POLD2: variants seen among roughly 807,000 people sequenced by gnomAD.
The protein encoded by POLD2 is DNA polymerase delta 2, accessory subunit.
A neutral mutation model predicts 48.8 loss-of-function variants in POLD2; 31 were observed. The observed-to-expected ratio is 0.64, with a 90% confidence interval of 0.48 to 0.86. The LOEUF is 0.86. Ranked by LOEUF, POLD2 falls within the 40% of genes least tolerant of loss-of-function variation. POLD2 has a pLI of 0.00. For missense variants in POLD2, 455 were observed against 610.1 expected (o/e 0.75, Z 2.68); for synonymous variants, 233 against 256.3 (o/e 0.91, Z 0.87).
rs113828704 is a variant in POLD2, at chr7:44,123,545, G to A, written c.-91C>T. On this transcript the variant is annotated 5_prime_UTR_variant, in exon 1 of 11. Coordinates refer to ENST00000610533, the MANE Select transcript of POLD2 (RefSeq NM_006230.4). ...CGCCGCATCCCGCCAATCCCCGCGC[G>A]CCTGCCCCGCCCATCGCCGCAACTC... 7.0e-4 allele frequency: 1,046 copies of A among 1,485,502 alleles called. 4 individuals are homozygous for A. The African/African-American group carries it at 0.013, about 18-fold the overall frequency. 92.0% of individuals were successfully genotyped at this position (1,485,502 alleles called of 1,614,324 possible). A position where few individuals can be genotyped will look rare whatever the true frequency, so the allele number is the denominator to read the frequency against.
At chr7:44,118,531 T>G (rs1162878409) in intron 2 of POLD2, among the ~76,000 whole-genome samples, 1 of 152,210 alleles carries the variant, frequency 6.6e-6, no homozygotes, top group Non-Finnish European at 1.5e-5. Context: ...TGTTTTTGTT[T>G]TGAGGCGGAG....
Position 44,121,331 on chromosome 7 carries a change from A to G in POLD2, c.220+503T>C, listed in dbSNP as rs988775646. On this transcript the variant is annotated intron_variant, in intron 2 of 10. Transcript: ENST00000610533. This position sits in a 1 kb window ranked among gnomAD's most constrained non-coding sequence, Gnocchi z 4.5. ...AGGGTTGTGTTGGGCAGGCCACTTT[A>G]TTAGGAAAGACAGAGGGCCCAAGGG... Among the ~76,000 whole-genome samples, 5 of 152,138 alleles carry G rather than the reference A, an allele frequency of 3.3e-5. No homozygotes were observed. Among genetic ancestry groups the G allele is most frequent in the African/African-American group, 1.2e-4 (5 of 41,424 alleles).
In POLD2 at chr7:44,116,537, AGGCCCAGGCG is replaced by A; in HGVS notation, c.781-37_781-28del. On this transcript the variant is annotated intron_variant, in intron 6 of 10. Coordinates refer to ENST00000610533, the MANE Select transcript of POLD2 (RefSeq NM_006230.4). The surrounding 1 kb of genome is among the most constrained non-coding windows in gnomAD (Gnocchi z 6.1). ...TGGAATAGAAGCCCAGAAGGCCATC[AGGCCCAGGCG>A]AGTCCCAGGCTCAGAGGAGAGTAGA... is the stretch of plus-strand genomic sequence containing the variant. 1 of 1,537,708 alleles carries A rather than the reference AGGCCCAGGCG, an allele frequency of 6.5e-7. No homozygotes were observed. Among genetic ancestry groups the A allele is most frequent in the Non-Finnish European group, 8.8e-7 (1 of 1,132,338 alleles).
At chr7:44,118,599 G>A (rs1017037077) in intron 2 of POLD2, among the ~76,000 whole-genome samples, 8 of 152,132 alleles carry the variant, frequency 5.3e-5, no homozygotes, top group Non-Finnish European at 1.5e-5. Flanking sequence ...TGCAAGCTCC[G>A]CCTCCCGGGT....
chr7:44,122,481 G>A (rs2096249601), intron 1 of POLD2: 7 of 1,020,124 alleles, frequency 6.9e-6, no homozygotes, highest in Non-Finnish European at 8.2e-6. Flanking sequence ...CCAGACAAGA[G>A]GTCTGCCTTA....
At position 44,117,602 on chromosome 7, in the gene POLD2, C is replaced by G; in HGVS notation, c.466+17G>C. ...TCTTCACCTGCATCACCCACATCCT[C>G]TCATTGGGCTCCCTACCCGTAACCA... On this transcript the variant is annotated intron_variant, in intron 4 of 10. Coordinates refer to ENST00000610533, the MANE Select transcript of POLD2 (RefSeq NM_006230.4). The G allele has an allele frequency of 1.3e-6, 2 of 1,595,102 alleles. No homozygotes were observed. The highest frequency in any genetic ancestry group is 1.7e-6 in the Non-Finnish European group (2 of 1,170,100).
rs144701499 is a variant in POLD2 at position 44,116,913 on chromosome 7, G to A, written c.684C>T (p.Asp228=). 6.3e-5 allele frequency: 102 copies of A among 1,613,740 alleles called. No homozygotes were observed. Among genetic ancestry groups the A allele is most frequent in the African/African-American group, 4.9e-4 (37 of 74,870 alleles). The change falls in exon 6 of 11, where the codon GAC becomes GAT. Residue 228 remains aspartate (D), a synonymous_variant. Coordinates refer to ENST00000610533, the MANE Select transcript of POLD2 (RefSeq NM_006230.4). The surrounding 1 kb of genome is among the most constrained non-coding windows in gnomAD (Gnocchi z 6.1). Reference sequence around the variant, plus strand: ...GGGCGGCGCTGCACTGCTCCCCTTCGTCCCCAAGCTGCCCCGTCACCACAT... The same window carrying A: ...GGGCGGCGCTGCACTGCTCCCCTTCATCCCCAAGCTGCCCCGTCACCACAT... ...LVDVVTGQLG[D]EGEQCSAAHV...
At chr7:44,123,658 C>T (rs2096251485), upstream of POLD2, 2 of 1,380,474 alleles carry the variant, frequency 1.4e-6, no homozygotes, top group Non-Finnish European at 1.9e-6. Context: ...CGCCTCATCC[C>T]GCCGACCACT....
chr7:44,116,228 G>A lies in POLD2; in HGVS notation c.906C>T (p.Thr302=). 1.2e-6 allele frequency: 2 copies of A among 1,613,452 alleles called. No homozygotes were observed. Among genetic ancestry groups the A allele is most frequent in the Non-Finnish European group, 1.7e-6 (2 of 1,179,728 alleles). Residue 302 remains threonine, a synonymous_variant, in exon 8 of 11, where the codon ACC becomes ACT. Coordinates refer to ENST00000610533, the MANE Select transcript of POLD2 (RefSeq NM_006230.4). This position sits in a 1 kb window ranked among gnomAD's most constrained non-coding sequence, Gnocchi z 6.1. ...GGGGCTGCTGGGGGAGCGTGTAATT[G>A]GTGGGATCAAACTCGCCTGGCATCA... ...VDVMPGEFDP[T]NYTLPQQPLH...
rs1446500800 is a variant in POLD2, at chr7:44,117,931, A to G, written c.342+12T>C. 6.2e-7 allele frequency: 1 copy of G among 1,613,130 alleles called. No individual in the cohort carries two copies. ...CTGCCTGGCGGCCCCACTGTGTAGC[A>G]CCCTGCCTCACCTCCTCGCTGACCT... On this transcript the variant is annotated intron_variant, in intron 3 of 10. Transcript: ENST00000610533.
In POLD2 at chr7:44,114,908, AG is replaced by A. The variant is rs778896682; in HGVS notation, c.1286del (p.Pro429LeufsTer12). On this transcript the variant is annotated frameshift_variant, in exon 11 of 11. Transcript: ENST00000610533. LOFTEE classifies it high-confidence loss of function. ...AGGCGGTCTGCGTGGCACTGAAGTC[AG>A]GGACAGTCACCAACAGCACTGTCTG... ...EDQTVLLVTV[P>X]DFSATQTACL... The A allele has an allele frequency of 6.2e-7, 1 of 1,613,378 alleles. No individual in the cohort carries two copies. Among genetic ancestry groups the A allele is most frequent in the Non-Finnish European group, 8.5e-7 (1 of 1,179,492 alleles).
At position 44,116,306 on chromosome 7, in the gene POLD2, C is replaced by A; in HGVS notation, c.862-34G>T. 1 of 1,596,332 alleles carries A rather than the reference C, an allele frequency of 6.3e-7. No individual in the cohort carries two copies. Among genetic ancestry groups the A allele is most frequent in the South Asian group, 1.1e-5 (1 of 88,140 alleles). On this transcript the variant is annotated intron_variant, in intron 7 of 10. Transcript: ENST00000610533. This position sits in a 1 kb window ranked among gnomAD's most constrained non-coding sequence, Gnocchi z 6.1. ...CACAGGGCAGGGAGAGCTCACAGGGCCCCGAAGGAGCCCCCTACACCAACT... is the reference window on the plus strand; with the variant it reads ...CACAGGGCAGGGAGAGCTCACAGGGACCCGAAGGAGCCCCCTACACCAACT...
chr7:44,116,232 G>A lies in POLD2; in HGVS notation c.902C>T (p.Pro301Leu). Residue 301 changes from proline to leucine, a missense_variant, in exon 8 of 11, where the codon CCC (proline) becomes CTC (leucine). By Grantham distance (98) the Pro-to-Leu change is moderately conservative. Coordinates refer to ENST00000610533, the MANE Select transcript of POLD2 (RefSeq NM_006230.4). The surrounding 1 kb of genome is among the most constrained non-coding windows in gnomAD (Gnocchi z 6.1). ...CTGCTGGGGGAGCGTGTAATTGGTG[G>A]GATCAAACTCGCCTGGCATCACGTC... ...PVDVMPGEFD[P>L]TNYTLPQQPL... The A allele has an allele frequency of 1.9e-6, 3 of 1,613,334 alleles. No individual in the cohort carries two copies. The highest frequency in any genetic ancestry group is 2.5e-6 in the Non-Finnish European group (3 of 1,179,644).
At chr7:44,123,694 GA>G (rs1468402790), upstream of POLD2, 2 of 1,352,968 alleles carry the variant, frequency 1.5e-6, no homozygotes, top group African/African-American at 3.1e-5. Flanking sequence ...GGGACGCCCA[GA>G]GAACGCGGAG....
upstream of POLD2, chr7:44,123,760 C>T (rs376686638): frequency 5.4e-6 from 7 of 1,306,870 alleles, no homozygotes; most frequent in Non-Finnish European, 6.9e-6. Flanking sequence ...GCCGGCGCCG[C>T]GGGTCTTTGG....
Position 44,114,961 on chromosome 7 carries a change from A to G in POLD2, c.1250-16T>C. 2 of 1,593,068 alleles carry G rather than the reference A, an allele frequency of 1.3e-6. No homozygotes were observed. Among genetic ancestry groups the G allele is most frequent in the Non-Finnish European group, 1.7e-6 (2 of 1,165,016 alleles). On this transcript the variant is annotated splice_polypyrimidine_tract_variant and intron_variant, in intron 10 of 10. Transcript: ENST00000610533. ...TCCTCAGGACCTGCAAAGAAGTCAC[A>G]TAGGACCCACTGTAGGTTCCAAGTA...
chr7:44,115,075 G>T, intron 10 of POLD2, 130 bp from the exon 11 acceptor site: 3 of 892,690 alleles, frequency 3.4e-6, no homozygotes, highest in Non-Finnish European at 3.4e-6. Context: ...CCAGAGATTA[G>T]CCTTGAGAGG....
rs1420544696 is a variant in POLD2, at chr7:44,116,594, AGTT to A, written c.781-87_781-85del. On this transcript the variant is annotated intron_variant, in intron 6 of 10. Transcript: ENST00000610533. This position sits in a 1 kb window ranked among gnomAD's most constrained non-coding sequence, Gnocchi z 6.1. ...TAGAGCCCCACCAGCTGGAAGATGC[AGTT>A]GTTGTCCCATAGACCCTCACTCCCT... is the stretch of plus-strand genomic sequence containing the variant. The A allele has an allele frequency of 2.5e-6, 3 of 1,194,494 alleles. No individual in the cohort carries two copies. The highest frequency in any genetic ancestry group is 3.6e-6 in the Non-Finnish European group (3 of 827,358). The allele number at this position is 1,194,494 out of a possible 1,614,324, so 74.0% of individuals were successfully genotyped here. A position where few individuals can be genotyped will look rare whatever the true frequency, so the allele number is the denominator to read the frequency against.
At chr7:44,123,335 G>C (rs192083658) in intron 1 of POLD2, 176 bp downstream of exon 1, 15,014 of 1,368,006 alleles carry the variant, frequency 0.011, 122 homozygotes, top group Middle Eastern at 0.015. Context: ...CGCGCTACTC[G>C]GGATGGGGCC....
Sources: allele counts gnomAD v4.1 joint callset (sites outside exome capture counted in the v4.1 genomes callset), GRCh38; gene constraint gnomAD v4.1.1; non-coding constraint Gnocchi (gnomAD v3.1); transcripts MANE v1.5; gene names NCBI Gene and HGNC (gene_info 2026-07-23, HGNC 2026-07-21).